ZBTB38: variants seen among roughly 807,000 people sequenced by gnomAD.
ZBTB38 encodes the protein zinc finger and BTB domain-containing protein 38.
A neutral mutation model predicts 76.8 loss-of-function variants in ZBTB38; 20 were observed. The observed-to-expected ratio is 0.26, with a 90% CI of 0.18 to 0.38. The LOEUF is 0.38. Among genes scored for constraint, ZBTB38 ranks in the 10% least tolerant of loss-of-function variants. The pLI is 1.00. For missense variants in ZBTB38, 1,082 were observed against 1,482.3 expected (o/e 0.73, Z 4.43); for synonymous variants, 504 against 544.2 (o/e 0.93, Z 1.03).
intron 5 of ZBTB38, among the ~76,000 whole-genome samples, chr3:141,418,938 C>T (rs985115415): frequency 9.9e-5 from 15 of 152,134 alleles, no homozygotes; most frequent in African/African-American, 3.6e-4. Flanking sequence ...TAATGGCATG[C>T]TATAGACTGA....
chr3:141,445,546 T>TA lies in ZBTB38; in HGVS notation c.3159dup (p.Gln1054ThrfsTer4). The TA allele has an allele frequency of 6.2e-7, 1 of 1,614,094 alleles. No homozygotes were observed. Among genetic ancestry groups the TA allele is most frequent in the Non-Finnish European group, 8.5e-7 (1 of 1,180,002 alleles). ...CGGTGCTTTTCGGTGCAAGGAAACTTACAGAAACATGAACGCATCCACCTG... is the reference window on the plus strand; with the variant it reads ...CGGTGCTTTTCGGTGCAAGGAAACTTAACAGAAACATGAACGCATCCACCTG... On this transcript the variant is annotated frameshift_variant, in exon 6 of 6. Coordinates refer to ENST00000321464, the MANE Select transcript of ZBTB38 (RefSeq NM_001376113.1). LOFTEE classifies it high-confidence loss of function. This position sits in a 1 kb window ranked among gnomAD's most constrained non-coding sequence, Gnocchi z 6.5.
Position 141,447,718 on chromosome 3 carries a change from G to A in ZBTB38, c.*1742G>A, listed in dbSNP as rs2081203481. 1 of 152,226 alleles carries A rather than the reference G, an allele frequency of 6.6e-6. No individual in the cohort carries two copies. The highest frequency in any genetic ancestry group is 6.5e-5 in the Admixed American group (1 of 15,282). The allele number at this position is 152,226 out of a possible 1,614,324, so 9.4% of individuals were successfully genotyped here. The stretch of plus-strand genomic sequence containing the variant: ...AGGACTCCGGTTTCTGTCTACAAGT[G>A]TGATGTCTCCATGAAGAAGACTTAG... On this transcript the variant is annotated 3_prime_UTR_variant, in exon 6 of 6. Coordinates refer to ENST00000321464, the MANE Select transcript of ZBTB38 (RefSeq NM_001376113.1).
intron 3 of ZBTB38, among the ~76,000 whole-genome samples, chr3:141,384,024 A>T (rs1276598976): frequency 6.6e-6 from 1 of 152,256 alleles, no homozygotes; most frequent in Non-Finnish European, 1.5e-5. Flanking sequence ...AACAGGATTT[A>T]CTAGTTGAGA....
chr3:141,333,506 T>TG (rs1002050749), intron 1 of ZBTB38, among the ~76,000 whole-genome samples: 13 of 152,114 alleles, frequency 8.5e-5, no homozygotes, highest in African/African-American at 3.1e-4. Context: ...ATTTGTGAGA[T>TG]GGAGGCTCAG....
intron 5 of ZBTB38, among the ~76,000 whole-genome samples, chr3:141,412,489 T>C (rs1957017434): frequency 6.6e-6 from 1 of 152,194 alleles, no homozygotes; most frequent in Non-Finnish European, 1.5e-5. Flanking sequence ...TTTTTTTTTT[T>C]TTAGATCAGT....
chr3:141,397,223 T>C (rs972149063), intron 4 of ZBTB38, among the ~76,000 whole-genome samples: 1 of 152,260 alleles, frequency 6.6e-6, no homozygotes, highest in Non-Finnish European at 1.5e-5. Flanking sequence ...TTTTATGTTA[T>C]GGAGACAGCT....
At chr3:141,422,773 A>G (rs2075674285) in intron 5 of ZBTB38, among the ~76,000 whole-genome samples, 1 of 152,148 alleles carries the variant, frequency 6.6e-6, no homozygotes, top group Non-Finnish European at 1.5e-5. Flanking sequence ...CCCCAAAACA[A>G]TATAGTCACT....
At chr3:141,355,427 T>C (rs1008767820) in intron 1 of ZBTB38, among the ~76,000 whole-genome samples, 4 of 152,088 alleles carry the variant, frequency 2.6e-5, no homozygotes, top group Admixed American at 6.5e-5. Flanking sequence ...TAGACCGTGG[T>C]GGTTGTCGTG....
rs1471895337 is a variant in ZBTB38, at chr3:141,444,406, T to C, written c.2018T>C (p.Val673Ala). The change falls in exon 6 of 6, where the codon GTG becomes GCG. Residue 673 changes from valine (V) to alanine (A), a missense_variant. By Grantham distance (64) the Val-to-Ala change is moderately conservative. Coordinates refer to ENST00000321464, the MANE Select transcript of ZBTB38 (RefSeq NM_001376113.1). This position sits in a 1 kb window ranked among gnomAD's most constrained non-coding sequence, Gnocchi z 5.1. Reference sequence around the variant, plus strand: ...GACAATAACTTTTATTCAACTGAGGTGTCAGTTTCTTCCACTGAAAATGCT... The same window carrying C: ...GACAATAACTTTTATTCAACTGAGGCGTCAGTTTCTTCCACTGAAAATGCT... ...DLDNNFYSTE[V>A]SVSSTENAVS... is the part of the protein sequence containing the mutation. The C allele has an allele frequency of 1.9e-6, 3 of 1,613,980 alleles. No homozygotes were observed. The highest frequency in any genetic ancestry group is 2.5e-6 in the Non-Finnish European group (3 of 1,180,006).
chr3:141,406,963 A>T (rs756048143), intron 5 of ZBTB38, among the ~76,000 whole-genome samples: 1 of 152,206 alleles, frequency 6.6e-6, no homozygotes, highest in Non-Finnish European at 1.5e-5. Context: ...AAACCACTCA[A>T]ATTTACACAA....
Position 141,444,312 on chromosome 3 carries a change from C to G in ZBTB38, c.1924C>G (p.Pro642Ala). The G allele has an allele frequency of 1.9e-6, 3 of 1,614,186 alleles. No homozygotes were observed. The highest frequency in any genetic ancestry group is 1.1e-5 in the South Asian group (1 of 91,084). Reference sequence around the variant, plus strand: ...GGAAACATCTGCATGTCAGGACATACCCACTTCTGCCAATGTACAAAATGC... The same window carrying G: ...GGAAACATCTGCATGTCAGGACATAGCCACTTCTGCCAATGTACAAAATGC... ...PLETSACQDIPTSANVQNAEG... is the reference protein window; with the variant it reads ...PLETSACQDIATSANVQNAEG... The change falls in exon 6 of 6, where the codon CCC becomes GCC. Residue 642 changes from proline (P) to alanine (A), a missense_variant. Pro to Ala is a conservative substitution (Grantham distance 27, BLOSUM62 -1). Transcript: ENST00000321464. This position sits in a 1 kb window ranked among gnomAD's most constrained non-coding sequence, Gnocchi z 5.1.
chr3:141,422,557 A>G (rs1383448097), intron 5 of ZBTB38, among the ~76,000 whole-genome samples: 1 of 152,160 alleles, frequency 6.6e-6, no homozygotes, highest in Non-Finnish European at 1.5e-5. Context: ...AAACTGAATA[A>G]TCATCTAATT....
At chr3:141,366,469 A>G (rs1007182016), upstream of ZBTB38, 3 of 152,238 alleles carry the variant, frequency 2.0e-5, no homozygotes, top group Admixed American at 2.0e-4. Context: ...GTGTGCAGAC[A>G]CTGACAGTGA....
intron 1 of ZBTB38, among the ~76,000 whole-genome samples, chr3:141,332,674 C>T (rs1017597226): frequency 3.9e-5 from 6 of 152,162 alleles, no homozygotes; most frequent in Non-Finnish European, 7.3e-5. Flanking sequence ...TTGTTCCTGG[C>T]GCCCTTGGCT....
At chr3:141,389,374 A>G (rs987424544) in intron 4 of ZBTB38, 14 of 150,450 alleles carry the variant, frequency 9.3e-5, no homozygotes, top group African/African-American at 3.4e-4. Context: ...CTCTGGTTCA[A>G]TTATTTTGGA....
chr3:141,340,994 A>G (rs368044174), intron 1 of ZBTB38, among the ~76,000 whole-genome samples: 1 of 99,382 alleles, frequency 1.0e-5, no homozygotes, highest in Non-Finnish European at 2.3e-5. Flanking sequence ...AAGAAAGAGA[A>G]AGAAGAAAGA....
At chr3:141,383,421 A>C (rs1366961563) in intron 3 of ZBTB38, among the ~76,000 whole-genome samples, 1 of 152,218 alleles carries the variant, frequency 6.6e-6, no homozygotes, top group East Asian at 1.9e-4. Flanking sequence ...CTAACCTGAC[A>C]ACAATGTACC....
chr3:141,417,239 G>A lies in ZBTB38; in HGVS notation c.-1+13208G>A, dbSNP rs146224060. Among the ~76,000 whole-genome samples the A allele has an allele frequency of 3.9e-5, 6 of 152,232 alleles. No individual in the cohort carries two copies. In the East Asian group the frequency reaches 5.8e-4, roughly 15 times the overall value. ...CAACTTGGGCAAAATGCATGCTCAC[G>A]TTTGCAACCACCTCCCATATGTCAT... On this transcript the variant is annotated intron_variant, in intron 5 of 5. Coordinates refer to ENST00000321464, the MANE Select transcript of ZBTB38 (RefSeq NM_001376113.1).
At chr3:141,334,289 G>T (rs1482835055) in intron 1 of ZBTB38, among the ~76,000 whole-genome samples, 1 of 151,844 alleles carries the variant, frequency 6.6e-6, no homozygotes, top group Non-Finnish European at 1.5e-5. Flanking sequence ...GGAAATGCAG[G>T]TTCTCTCTGA....
Sources: gnomAD v4.1 joint callset for allele counts (sites outside exome capture counted in the v4.1 genomes callset) on GRCh38, gnomAD v4.1.1 for gene constraint, Gnocchi (gnomAD v3.1) non-coding constraint, MANE v1.5 for transcripts, NCBI Gene and HGNC (gene_info 2026-07-23, HGNC 2026-07-21) for gene names.